Variants in PKP4 observed in about 807,000 individuals in gnomAD.
PKP4 encodes the protein plakophilin-4.
Under a neutral mutation model 145.1 loss-of-function variants are expected in PKP4, and 90 were observed. That is an observed-to-expected ratio of 0.62 (90% CI 0.52 to 0.74). The LOEUF (loss-of-function observed/expected upper bound fraction) is 0.74. PKP4 is among the 30% of genes least tolerant of loss of function. PKP4 has a pLI of 0.00. For missense variants in PKP4, 1,340 were observed against 1,482.7 expected (o/e 0.90, Z 1.58); for synonymous variants, 563 against 577.2 (o/e 0.98, Z 0.35).
intron 12 of PKP4, chr2:158,660,686 TTTC>T (rs1389268056): frequency 1.3e-5 from 2 of 152,318 alleles, no homozygotes; most frequent in African/African-American, 2.4e-5. Context: ...ACAAAACCGT[TTTC>T]TGGGTGTTTT....
At chr2:158,634,989 T>C (rs1005113215) in intron 9 of PKP4, among the ~76,000 whole-genome samples, 1 of 152,060 alleles carries the variant, frequency 6.6e-6, no homozygotes, top group Non-Finnish European at 1.5e-5. Flanking sequence ...GAAATAAAGA[T>C]ATTTTGAAAC....
At chr2:158,638,064 T>C (rs2053963359) in intron 9 of PKP4, among the ~76,000 whole-genome samples, 1 of 152,228 alleles carries the variant, frequency 6.6e-6, no homozygotes, top group Non-Finnish European at 1.5e-5. Context: ...TTTGTAATGA[T>C]TGTGAGTCAT....
intron 2 of PKP4, among the ~76,000 whole-genome samples, chr2:158,574,960 C>G (rs1188229011): frequency 6.6e-6 from 1 of 152,098 alleles, no homozygotes; most frequent in African/African-American, 2.4e-5. Flanking sequence ...TCTGTGGGTA[C>G]GTCAATCAAA....
At chr2:158,615,088 A>T (rs978541218) in intron 4 of PKP4, among the ~76,000 whole-genome samples, 2 of 151,832 alleles carry the variant, frequency 1.3e-5, no homozygotes, top group Non-Finnish European at 2.9e-5. Flanking sequence ...TTGATAGTGA[A>T]TATCATCCTT....
intron 4 of PKP4, among the ~76,000 whole-genome samples, chr2:158,609,494 G>A (rs1025418171): frequency 3.3e-5 from 5 of 152,102 alleles, no homozygotes; most frequent in African/African-American, 9.7e-5. Flanking sequence ...TACTTTGCAT[G>A]TTTACTTTCA....
chr2:158,621,865 A>G (rs1329157171), intron 6 of PKP4, among the ~76,000 whole-genome samples: 2 of 152,230 alleles, frequency 1.3e-5, no homozygotes, highest in Non-Finnish European at 2.9e-5. Flanking sequence ...AAATAGTAAA[A>G]TCATTTTATT....
intron 1 of PKP4, among the ~76,000 whole-genome samples, chr2:158,496,622 C>G (rs1354029654): frequency 2.0e-5 from 3 of 152,152 alleles, no homozygotes; most frequent in Non-Finnish European, 2.9e-5. Flanking sequence ...TCTTTTGTCT[C>G]TCCAGAATTC....
Position 158,533,211 on chromosome 2 carries a change from G to T in PKP4, c.27G>T (p.Leu9Phe). 1 of 1,613,462 alleles carries T rather than the reference G, an allele frequency of 6.2e-7. No homozygotes were observed. Among genetic ancestry groups the T allele is most frequent in the Non-Finnish European group, 8.5e-7 (1 of 1,179,918 alleles). The change falls in exon 2 of 22, where the codon TTG becomes TTT. Residue 9 changes from leucine to phenylalanine, a missense_variant. Physicochemically the swap from Leu to Phe is conservative, Grantham distance 22 (BLOSUM62 0). Transcript: ENST00000389759. ...TGCCAGCTCCTGAGCAGGCCTCATT[G>T]GTGGAGGAGGGGCAACCACAGACCC... MPAPEQAS[L>F]VEEGQPQTRQ...
At chr2:158,533,932 G>C (rs1056325482) in intron 2 of PKP4, among the ~76,000 whole-genome samples, 3 of 151,936 alleles carry the variant, frequency 2.0e-5, no homozygotes, top group Non-Finnish European at 1.5e-5. Flanking sequence ...TAGAGAAATT[G>C]GAATTCTGCA....
At chr2:158,609,934 C>A (rs560314025) in intron 4 of PKP4, among the ~76,000 whole-genome samples, 1 of 152,224 alleles carries the variant, frequency 6.6e-6, no homozygotes, top group African/African-American at 2.4e-5. Context: ...AAGATACTTC[C>A]CAAAGAACGA....
intron 2 of PKP4, among the ~76,000 whole-genome samples, chr2:158,554,815 T>TA (rs2045952844): frequency 6.6e-6 from 1 of 152,152 alleles, no homozygotes; most frequent in Non-Finnish European, 1.5e-5. Flanking sequence ...ACCAAACTCT[T>TA]ACGGCCCAAG....
At chr2:158,607,225 C>T (rs572686623) in intron 4 of PKP4, among the ~76,000 whole-genome samples, 10 of 152,054 alleles carry the variant, frequency 6.6e-5, no homozygotes, top group Non-Finnish European at 1.2e-4. Context: ...ATTTGTATTT[C>T]TAATTATCTA....
At chr2:158,572,056 A>G (rs541465577) in intron 2 of PKP4, among the ~76,000 whole-genome samples, 1 of 152,226 alleles carries the variant, frequency 6.6e-6, no homozygotes, top group Non-Finnish European at 1.5e-5. Context: ...GTAGACATCA[A>G]CCTAAACAGG....
chr2:158,474,004 A>G (rs1692034890), intron 1 of PKP4, among the ~76,000 whole-genome samples: 2 of 152,212 alleles, frequency 1.3e-5, no homozygotes, highest in Admixed American at 1.3e-4. Flanking sequence ...TATATTTATT[A>G]TATGCATTAC....
chr2:158,577,460 AT>A, intron 3 of PKP4, 77 bp downstream of exon 3: 1 of 881,846 alleles, frequency 1.1e-6, no homozygotes, highest in East Asian at 2.7e-5. Flanking sequence ...GCAGCAAAAG[AT>A]TCTGTTAGTG....
chr2:158,588,992 G>A (rs1338001983), intron 3 of PKP4: 2 of 152,176 alleles, frequency 1.3e-5, no homozygotes, highest in African/African-American at 2.4e-5. Flanking sequence ...TAAAATGTAT[G>A]CCTGTATTTT....
chr2:158,658,043 C>G, intron 11 of PKP4, 88 bp from the exon 12 acceptor site: 2 of 787,676 alleles, frequency 2.5e-6, no homozygotes, highest in Non-Finnish European at 4.2e-6. Context: ...AACAGACTGA[C>G]TTCATATTAA....
In PKP4 at chr2:158,676,730, T is replaced by G. The variant is rs759754354; in HGVS notation, c.3128-9T>G. 1 of 1,614,014 alleles carries G rather than the reference T, an allele frequency of 6.2e-7. No individual in the cohort carries two copies. Among genetic ancestry groups the G allele is most frequent in the African/African-American group, 1.3e-5 (1 of 74,922 alleles). ...CCCTCTTTCTCTCCTCCTTTGCCTC[T>G]CCCTTCAGTCGGCAGCACCTCTTCC... On this transcript the variant is annotated splice_polypyrimidine_tract_variant and intron_variant, in intron 19 of 21. Transcript: ENST00000389759.
At chr2:158,555,123 C>G (rs2045978981) in intron 2 of PKP4, among the ~76,000 whole-genome samples, 1 of 152,144 alleles carries the variant, frequency 6.6e-6, no homozygotes, top group Non-Finnish European at 1.5e-5. Flanking sequence ...TCCCAGGCTC[C>G]TAAGAAGGCA....
Sources: allele counts gnomAD v4.1 joint callset (sites outside exome capture counted in the v4.1 genomes callset), GRCh38; gene constraint gnomAD v4.1.1; transcripts MANE v1.5; gene names NCBI Gene and HGNC (gene_info 2026-07-23, HGNC 2026-07-21).